The following HSD17B12 variants were observed in gnomAD, a reference collection of about 807,000 sequenced individuals.
HSD17B12 encodes hydroxysteroid 17-beta dehydrogenase 12.
HSD17B12 carries 32 observed loss-of-function variants against 39.3 expected under a neutral mutation model. The observed-to-expected ratio is 0.81, with a 90% confidence interval of 0.61 to 1.09. The LOEUF (loss-of-function observed/expected upper bound fraction) is 1.09, where lower values mean the gene tolerates loss of function less well. Ranked by LOEUF, HSD17B12 falls within the 50% of genes least tolerant of loss-of-function variation. The probability of loss-of-function intolerance (pLI) is 0.00; values close to 1 mark genes in which losing one functional copy is unlikely to be tolerated. For missense variants in HSD17B12, 342 were observed against 382.9 expected (o/e 0.89, Z 0.89); for synonymous variants, 150 against 146.7 (o/e 1.02, Z -0.16).
At chr11:43,623,215 A>G in the HSD17B12 span, among the ~76,000 whole-genome samples, 1 of 152,144 alleles carries the variant, frequency 6.6e-6, no homozygotes, top group Admixed American at 6.6e-5. Context: ...ATTTATTTAA[A>G]ATGACTTAAA....
chr11:43,579,921 G>A, the HSD17B12 span, among the ~76,000 whole-genome samples: 5 of 152,096 alleles, frequency 3.3e-5, no homozygotes, highest in Admixed American at 2.6e-4. Context: ...GGGTGCCAAA[G>A]AACAAATATG....
At chr11:43,574,722 A>G in the HSD17B12 span, among the ~76,000 whole-genome samples, 4 of 152,186 alleles carry the variant, frequency 2.6e-5, no homozygotes, top group East Asian at 1.9e-4. Flanking sequence ...AAATAGCACT[A>G]ATCCATTGAG....
upstream of HSD17B12, among the ~76,000 whole-genome samples, chr11:43,677,379 A>G (rs1039887000): frequency 2.0e-5 from 3 of 152,212 alleles, no homozygotes; most frequent in East Asian, 5.8e-4. Flanking sequence ...TCCATGCCAG[A>G]GAAGGAAACA....
chr11:43,706,827 T>C (rs1362317986), intron 1 of HSD17B12, among the ~76,000 whole-genome samples: 1 of 152,060 alleles, frequency 6.6e-6, no homozygotes, highest in Non-Finnish European at 1.5e-5. Flanking sequence ...TACAGTATTA[T>C]GCTGACTAGT....
chr11:43,706,281 T>A (rs769751973), intron 1 of HSD17B12, among the ~76,000 whole-genome samples: 2 of 152,214 alleles, frequency 1.3e-5, no homozygotes, highest in Non-Finnish European at 2.9e-5. Flanking sequence ...TGATGGCTCA[T>A]GCCTCTAATC....
intron 1 of HSD17B12, among the ~76,000 whole-genome samples, chr11:43,729,361 TA>T (rs1950248659): frequency 6.6e-6 from 1 of 152,356 alleles, no homozygotes. Flanking sequence ...CAGATAGTAT[TA>T]ATTTTTAAAT....
At chr11:43,572,234 G>C in the HSD17B12 span, among the ~76,000 whole-genome samples, 1 of 152,160 alleles carries the variant, frequency 6.6e-6, no homozygotes, top group African/African-American at 2.4e-5. Flanking sequence ...CAAATCCCTT[G>C]AGTTTTGGAT....
At chr11:43,567,105 C>T in the HSD17B12 span, among the ~76,000 whole-genome samples, 4 of 152,220 alleles carry the variant, frequency 2.6e-5, no homozygotes, top group Non-Finnish European at 4.4e-5. Flanking sequence ...GTGGGATATA[C>T]AACCATCCTG....
chr11:43,578,085 A>T, the HSD17B12 span, among the ~76,000 whole-genome samples: 2 of 152,178 alleles, frequency 1.3e-5, no homozygotes, highest in Non-Finnish European at 2.9e-5. Flanking sequence ...GGAGAGGGAG[A>T]ATAAAAGTAC....
the HSD17B12 span, among the ~76,000 whole-genome samples, chr11:43,599,786 A>G: frequency 2.4e-4 from 37 of 152,344 alleles, no homozygotes; most frequent in Non-Finnish European, 4.3e-4. Context: ...CTTTTATTCA[A>G]AATGGATCAT....
At chr11:43,821,784 T>C (rs1218863657) in intron 6 of HSD17B12, among the ~76,000 whole-genome samples, 1 of 152,192 alleles carries the variant, frequency 6.6e-6, no homozygotes, top group Admixed American at 6.5e-5. Flanking sequence ...AAAACAAATA[T>C]TGCTGTGCCG....
intron 1 of HSD17B12, among the ~76,000 whole-genome samples, chr11:43,689,098 TA>T (rs1949829328): frequency 6.6e-6 from 1 of 152,216 alleles, no homozygotes; most frequent in South Asian, 2.1e-4. Context: ...CTTGCTTGGG[TA>T]AAAGATTTAC....
At chr11:43,847,374 G>A (rs1412584149) in intron 9 of HSD17B12, among the ~76,000 whole-genome samples, 1 of 152,120 alleles carries the variant, frequency 6.6e-6, no homozygotes, top group Non-Finnish European at 1.5e-5. Context: ...GATTACAAAA[G>A]AATACTCCAT....
chr11:43,563,174 C>T, the HSD17B12 span, among the ~76,000 whole-genome samples: 3 of 152,142 alleles, frequency 2.0e-5, no homozygotes, highest in African/African-American at 7.2e-5. Flanking sequence ...GAACTCAACA[C>T]GAACTTCTGT....
In HSD17B12 at chr11:43,854,829, T is replaced by C. The variant is rs753123848; in HGVS notation, c.799T>C (p.Ser267Pro). ...KSAIKTVGLQ[S>P]RTNGYLIHAL... Reference sequence around the variant, plus strand: ...TGCAATTAAAACAGTCGGCCTGCAATCCCGAACCAATGGATACCTGATCCA... The same window carrying C: ...TGCAATTAAAACAGTCGGCCTGCAACCCCGAACCAATGGATACCTGATCCA... Residue 267 changes from serine to proline, a missense_variant, in exon 10 of 11, where the codon TCC becomes CCC. By Grantham distance (74) the Ser-to-Pro change is moderately conservative. Coordinates refer to ENST00000278353, the MANE Select transcript of HSD17B12 (RefSeq NM_016142.3). The C allele has an allele frequency of 3.3e-5, 54 of 1,614,100 alleles. No individual in the cohort carries two copies. The highest frequency in any genetic ancestry group is 4.5e-5 in the Non-Finnish European group (53 of 1,180,042).
the HSD17B12 span, among the ~76,000 whole-genome samples, chr11:43,588,200 A>G: frequency 2.6e-5 from 4 of 152,210 alleles, no homozygotes; most frequent in Admixed American, 6.5e-5. Flanking sequence ...ATCAGCTACT[A>G]AAAAAACTGG....
At chr11:43,807,652 G>A (rs1190897677) in intron 4 of HSD17B12, among the ~76,000 whole-genome samples, 1 of 152,158 alleles carries the variant, frequency 6.6e-6, no homozygotes, top group Non-Finnish European at 1.5e-5. Context: ...CATAGAATAA[G>A]ACAAGAATTG....
the HSD17B12 span, among the ~76,000 whole-genome samples, chr11:43,603,622 G>T: frequency 6.6e-6 from 1 of 151,936 alleles, no homozygotes; most frequent in African/African-American, 2.4e-5. Context: ...AAATGAATTT[G>T]GAATAATTAT....
chr11:43,604,708 T>C, the HSD17B12 span, among the ~76,000 whole-genome samples: 1 of 152,216 alleles, frequency 6.6e-6, no homozygotes, highest in East Asian at 1.9e-4. Flanking sequence ...GCATACTAGC[T>C]CACACCACAA....
Sources: gnomAD v4.1 joint callset for allele counts (sites outside exome capture counted in the v4.1 genomes callset) on GRCh38, gnomAD v4.1.1 for gene constraint, MANE v1.5 for transcripts, NCBI Gene and HGNC (gene_info 2026-07-23, HGNC 2026-07-21) for gene names.